Variants in HEPH observed in about 807,000 individuals in gnomAD.
HEPH encodes hephaestin.
Under a neutral mutation model 80.8 loss-of-function variants are expected in HEPH, and 69 were observed. The ratio of observed to expected loss-of-function variants is 0.85; its 90% CI spans 0.70 to 1.04. HEPH has a LOEUF of 1.04. Among genes scored for constraint, HEPH ranks in the 50% least tolerant of loss-of-function variants. The pLI is 0.00. For synonymous variants in HEPH, 431 were observed against 322.8 expected (o/e 1.34, Z -3.60); for missense variants, 1,115 against 891.3 (o/e 1.25, Z -3.20).
At position 66,256,338 on chromosome X, in the gene HEPH, G is replaced by T. The variant is rs762949445; in HGVS notation, c.2896+8G>T. Reference sequence around the variant, plus strand: ...AGAGCAATAAAATGCATGGTCAGTAGTAAAAAACCTACTCTTGTTCCAAAG... The same window carrying T: ...AGAGCAATAAAATGCATGGTCAGTATTAAAAAACCTACTCTTGTTCCAAAG... On this transcript the variant is annotated splice_region_variant and intron_variant, in intron 17 of 20. Coordinates refer to ENST00000343002, the MANE Select transcript of HEPH (RefSeq NM_001367233.3). The T allele has an allele frequency of 8.7e-7, 1 of 1,151,596 alleles. No individual in the cohort carries two copies. Among genetic ancestry groups the T allele is most frequent in the South Asian group, 1.8e-5 (1 of 54,587 alleles). 94.9% of individuals were successfully genotyped at this position (1,151,596 alleles called of 1,213,427 possible).
intron 15 of HEPH, among the ~76,000 whole-genome samples, chrX:66,209,980 C>G (rs1322712230): frequency 9.0e-6 from 1 of 111,419 alleles, no homozygotes; most frequent in Non-Finnish European, 1.9e-5. Flanking sequence ...ATGTGGGAAG[C>G]ATCAACATCT....
Position 66,207,176 on chromosome X carries a change from A to C in HEPH, c.2292-19A>C. The stretch of plus-strand genomic sequence containing the variant: ...GGGTTGATGGCCAGGTGCTGATAGT[A>C]CTCTTTGGATTCCTCTAGTTATGGT... On this transcript the variant is annotated intron_variant, in intron 13 of 20. Transcript: ENST00000343002. The C allele has an allele frequency of 8.4e-7, 1 of 1,187,304 alleles. No individual in the cohort carries two copies. The highest frequency in any genetic ancestry group is 1.8e-5 in the South Asian group (1 of 55,385).
At chrX:66,241,203 T>A (rs894914496) in intron 15 of HEPH, among the ~76,000 whole-genome samples, 2 of 112,110 alleles carry the variant, frequency 1.8e-5, no homozygotes, top group African/African-American at 3.2e-5. Flanking sequence ...TATAGGATCA[T>A]GCCTAAATAA....
chrX:66,175,852 G>A (rs1411614839), intron 4 of HEPH, among the ~76,000 whole-genome samples: 3 of 111,702 alleles, frequency 2.7e-5, no homozygotes, highest in Non-Finnish European at 3.8e-5. Context: ...TACTGATTTT[G>A]TACATTAATC....
At chrX:66,195,020 C>T in intron 8 of HEPH, 78 bp from the exon 9 acceptor site, 1 of 811,515 alleles carries the variant, frequency 1.2e-6, no homozygotes, top group Non-Finnish European at 1.7e-6. Flanking sequence ...CCTTTTCTTT[C>T]CCTCCCTCTT....
intron 4 of HEPH, among the ~76,000 whole-genome samples, chrX:66,180,421 G>A (rs1238532612): frequency 9.0e-6 from 1 of 110,969 alleles, no homozygotes; most frequent in African/African-American, 3.3e-5. Flanking sequence ...GTTTGTGGAA[G>A]CTGAAGATAG....
chrX:66,263,064 G>C lies in HEPH; in HGVS notation c.3200-580G>C, dbSNP rs182772787. The stretch of plus-strand genomic sequence containing the variant: ...GAGGAAGACTGAGCCAGGTACTAAA[G>C]ACTTCCATAAATGAAGAGAACTGCT... On this transcript the variant is annotated intron_variant, in intron 19 of 20. Transcript: ENST00000343002. Among the ~76,000 whole-genome samples the C allele has an allele frequency of 2.7e-5, 3 of 111,142 alleles. No homozygotes were observed. In the Admixed American group the frequency reaches 2.9e-4, roughly 11 times the overall value.
chrX:66,220,409 C>T (rs377675494), intron 15 of HEPH, among the ~76,000 whole-genome samples: 22 of 111,559 alleles, frequency 2.0e-4, no homozygotes, highest in African/African-American at 4.2e-4. Flanking sequence ...CCTAGGTCTA[C>T]ACACTCCCCT....
rs1461253975 is a variant in HEPH, at chrX:66,266,957, C to G, written c.*285C>G. ...AGCTACATTATATTTCCTTCTGACACTTGGAAGGTATTGAAATTTCTAGAA... is the reference window on the plus strand; with the variant it reads ...AGCTACATTATATTTCCTTCTGACAGTTGGAAGGTATTGAAATTTCTAGAA... On this transcript the variant is annotated 3_prime_UTR_variant, in exon 21 of 21. Coordinates refer to ENST00000343002, the MANE Select transcript of HEPH (RefSeq NM_001367233.3). The G allele has an allele frequency of 7.6e-6, 2 of 262,640 alleles. No homozygotes were observed. The highest frequency in any genetic ancestry group is 6.4e-5 in the East Asian group (1 of 15,633). 21.6% of individuals were successfully genotyped at this position (262,640 alleles called of 1,213,427 possible). A position where few individuals can be genotyped will look rare whatever the true frequency, so the allele number is the denominator to read the frequency against.
chrX:66,195,328 A>G, intron 9 of HEPH, 99 bp downstream of exon 9: 1 of 667,240 alleles, frequency 1.5e-6, no homozygotes, highest in Non-Finnish European at 2.0e-6. Flanking sequence ...AGTAGGCAGA[A>G]TTATTTGCCA....
At chrX:66,190,745 T>C (rs1263528248) in intron 6 of HEPH, among the ~76,000 whole-genome samples, 1 of 111,283 alleles carries the variant, frequency 9.0e-6, no homozygotes, top group Non-Finnish European at 1.9e-5. Context: ...AGGTTAGGAG[T>C]TGTAGACTAA....
intron 17 of HEPH, 102 bp from the exon 18 acceptor site, chrX:66,258,738 G>A (rs1014170075): frequency 2.0e-5 from 12 of 613,493 alleles, no homozygotes; most frequent in East Asian, 4.1e-5. Context: ...TGCTATCTTC[G>A]GTAAAAAAGA....
intron 13 of HEPH, among the ~76,000 whole-genome samples, chrX:66,205,503 G>A (rs1056633749): frequency 2.7e-5 from 3 of 111,686 alleles, no homozygotes; most frequent in African/African-American, 6.5e-5. Context: ...CCACTGATGG[G>A]CACCTAGGTT....
At chrX:66,219,871 C>T (rs775512698) in intron 15 of HEPH, among the ~76,000 whole-genome samples, 28 of 111,126 alleles carry the variant, frequency 2.5e-4, no homozygotes, top group Non-Finnish European at 5.1e-4. Context: ...TGTCCAGTCC[C>T]GGTGGGACTC....
intron 16 of HEPH, 147 bp from the exon 17 acceptor site, chrX:66,255,958 A>G (rs1602548996): frequency 2.3e-6 from 1 of 444,162 alleles, no homozygotes; most frequent in East Asian, 3.7e-5. Flanking sequence ...TTCAAATAAC[A>G]TAGTGGGGTA....
chrX:66,233,297 A>T (rs1304438387), intron 15 of HEPH, among the ~76,000 whole-genome samples: 1 of 111,576 alleles, frequency 9.0e-6, no homozygotes, highest in Non-Finnish European at 1.9e-5. Flanking sequence ...GCCTCCTGAA[A>T]GGCATCCATC....
At position 66,256,243 on chromosome X, in the gene HEPH, G is replaced by C; in HGVS notation, c.2809G>C (p.Glu937Gln). 1 of 1,211,252 alleles carries C rather than the reference G, an allele frequency of 8.3e-7. No individual in the cohort carries two copies. The highest frequency in any genetic ancestry group is 1.1e-6 in the Non-Finnish European group (1 of 895,079). The part of the protein sequence containing the change: ...IFDENKSWYL[E>Q]ENVATHGSQD... ...TGATGAAAATAAGTCTTGGTATTTGGAGGAAAATGTGGCAACCCATGGGTC... is the reference window on the plus strand; with the variant it reads ...TGATGAAAATAAGTCTTGGTATTTGCAGGAAAATGTGGCAACCCATGGGTC... The change falls in exon 17 of 21, where the codon GAG becomes CAG. Residue 937 changes from glutamate (E) to glutamine (Q), a missense_variant. This residue lies in a region of HEPH where 716 missense variants were observed against 523.5 expected (regional missense o/e 1.37). Coordinates refer to ENST00000343002, the MANE Select transcript of HEPH (RefSeq NM_001367233.3).
At chrX:66,231,463 T>C (rs1406121873) in intron 15 of HEPH, among the ~76,000 whole-genome samples, 4 of 107,428 alleles carry the variant, frequency 3.7e-5, no homozygotes, top group Non-Finnish European at 7.7e-5. Context: ...TGAGCAGTGG[T>C]TTGTAGTTCT....
At chrX:66,251,420 G>A (rs191111985) in intron 15 of HEPH, among the ~76,000 whole-genome samples, 2 of 112,025 alleles carry the variant, frequency 1.8e-5, no homozygotes, top group Admixed American at 1.9e-4. Flanking sequence ...ATATCTCATT[G>A]TAATTTTGAT....
Sources: allele counts gnomAD v4.1 joint callset (sites outside exome capture counted in the v4.1 genomes callset), GRCh38; gene constraint gnomAD v4.1.1; regional missense constraint gnomAD v4.1.1; transcripts MANE v1.5; gene names NCBI Gene and HGNC (gene_info 2026-07-23, HGNC 2026-07-21).